Variants in DCAF6 observed in about 807,000 individuals in gnomAD.
The protein encoded by DCAF6 is DDB1 and CUL4 associated factor 6.
Under a neutral mutation model 125.1 loss-of-function variants are expected in DCAF6, and 54 were observed. The ratio of observed to expected loss-of-function variants is 0.43; its 90% CI spans 0.35 to 0.54. The LOEUF (loss-of-function observed/expected upper bound fraction) is 0.54. DCAF6 is among the 20% of genes least tolerant of loss of function. The pLI is 0.01. For synonymous variants in DCAF6, 371 were observed against 390.4 expected, an observed-to-expected ratio of 0.95 and a Z score of 0.58; for missense variants, 934 against 1,161.7, an observed-to-expected ratio of 0.80 and a Z score of 2.85.
rs10047060 is a variant in DCAF6, at chr1:168,043,232, T to C, written c.1843+92T>C. 4.7e-3 allele frequency: 4,542 copies of C among 974,972 alleles called. 128 individuals are homozygous for C. The African/African-American group carries it at 0.067, about 14-fold the overall frequency. The allele number at this position is 974,972 out of a possible 1,614,324, so 60.4% of individuals were successfully genotyped here. The stretch of plus-strand genomic sequence containing the variant: ...CCCTTCGATGCTGTATTTTGTTTCT[T>C]GTTTTTAATAAATTACTTTTGCTTC... On this transcript the variant is annotated intron_variant, in intron 14 of 21. Coordinates refer to ENST00000367840, the MANE Select transcript of DCAF6 (RefSeq NM_001198956.2).
At chr1:167,946,658 A>G (rs1043142012) in intron 1 of DCAF6, among the ~76,000 whole-genome samples, 1 of 152,130 alleles carries the variant, frequency 6.6e-6, no homozygotes, top group African/African-American at 2.4e-5. Context: ...TTCTGTTGAT[A>G]TGATGTATCA....
chr1:167,944,124 G>T (rs1672698484), intron 1 of DCAF6, among the ~76,000 whole-genome samples: 1 of 152,154 alleles, frequency 6.6e-6, no homozygotes, highest in Non-Finnish European at 1.5e-5. Flanking sequence ...TCACAGGGGT[G>T]AGCCACCACG....
chr1:167,950,467 C>A (rs1180940224), intron 1 of DCAF6, among the ~76,000 whole-genome samples: 8 of 152,112 alleles, frequency 5.3e-5, no homozygotes, highest in Admixed American at 5.2e-4. Context: ...ATCTCCCTCC[C>A]CAAAATAAAA....
chr1:167,876,569 T>C, the DCAF6 span, among the ~76,000 whole-genome samples: 2 of 152,198 alleles, frequency 1.3e-5, no homozygotes, highest in African/African-American at 2.4e-5. Flanking sequence ...CCCCACTTGA[T>C]TGTGAGTTTT....
chr1:167,905,003 A>C, the DCAF6 span: 3 of 1,614,200 alleles, frequency 1.9e-6, no homozygotes, highest in Admixed American at 5.0e-5. Flanking sequence ...CTGAAATATC[A>C]ACAAACATCA....
At chr1:168,049,424 TG>T (rs1383454276) in intron 16 of DCAF6, among the ~76,000 whole-genome samples, 18 of 94,884 alleles carry the variant, frequency 1.9e-4, no homozygotes, top group African/African-American at 9.5e-4. Context: ...TTGTTGTTGT[TG>T]TTGTTGTTTT....
At position 168,021,668 on chromosome 1, in the gene DCAF6, G is replaced by A. The variant is rs553959085; in HGVS notation, c.1550-1320G>A. ...AATGATCATGTTTTGTCAAAATCTA[G>A]TAAGAGAAAAATACATGAACAAACT... On this transcript the variant is annotated intron_variant, in intron 11 of 21. Transcript: ENST00000367840. 2.0e-5 allele frequency among the ~76,000 whole-genome samples: 3 copies of A among 152,106 alleles called. No individual in the cohort carries two copies. In the East Asian group the frequency reaches 5.8e-4, roughly 29 times the overall value.
chr1:167,904,329 G>A, the DCAF6 span, among the ~76,000 whole-genome samples: 15,593 of 151,918 alleles, frequency 0.1, 985 homozygotes, highest in African/African-American at 0.18. Flanking sequence ...CTTGTGATCC[G>A]CCCTCCTCGG....
chr1:168,027,373 T>C (rs1271384400), intron 12 of DCAF6, among the ~76,000 whole-genome samples: 3 of 152,148 alleles, frequency 2.0e-5, no homozygotes, highest in Non-Finnish European at 2.9e-5. Context: ...TCCCCAGATA[T>C]GCTATTATTT....
chr1:167,990,573 G>T (rs1029472670), intron 5 of DCAF6, among the ~76,000 whole-genome samples: 1 of 151,978 alleles, frequency 6.6e-6, no homozygotes, highest in African/African-American at 2.4e-5. Context: ...TCATGAGTAT[G>T]GGAATATTTA....
At chr1:168,018,661 TA>T (rs1207468133) in intron 11 of DCAF6, among the ~76,000 whole-genome samples, 2 of 152,250 alleles carry the variant, frequency 1.3e-5, no homozygotes, top group Non-Finnish European at 2.9e-5. Flanking sequence ...TTTCACTTGT[TA>T]GTTTTTTAAA....
intron 4 of DCAF6, among the ~76,000 whole-genome samples, chr1:167,981,400 G>A (rs1024198703): frequency 1.1e-4 from 17 of 151,902 alleles, no homozygotes; most frequent in Non-Finnish European, 2.2e-4. Context: ...TTTTAGATTC[G>A]AGGGGTACAT....
the DCAF6 span, among the ~76,000 whole-genome samples, chr1:167,872,848 G>A: frequency 0.049 from 7,410 of 151,130 alleles, 224 homozygotes; most frequent in Middle Eastern, 0.078. Context: ...AAGGCGGGCA[G>A]ATCACGAGAT....
upstream of DCAF6, chr1:167,935,648 G>T: frequency 8.9e-7 from 1 of 1,120,200 alleles, no homozygotes; most frequent in Non-Finnish European, 1.3e-6. Flanking sequence ...GCCTCTAGAG[G>T]CAGTTGTCAG....
chr1:168,075,131 A>G (rs946909634), intron 21 of DCAF6, among the ~76,000 whole-genome samples: 1 of 152,232 alleles, frequency 6.6e-6, no homozygotes, highest in African/African-American at 2.4e-5. Flanking sequence ...GCAGTAGAAC[A>G]TAATATATCA....
rs760705596 is a variant in DCAF6, at chr1:168,044,988, A to C, written c.2019A>C (p.Pro673=). 6.2e-7 allele frequency: 1 copy of C among 1,614,154 alleles called. No individual in the cohort carries two copies. Among genetic ancestry groups the C allele is most frequent in the Admixed American group, 1.7e-5 (1 of 60,022 alleles). The stretch of plus-strand genomic sequence containing the variant: ...ATCTTGATCGCTCTTGTGGGGTTCC[A>C]GAAGAATCTGCTTCATCTGAAAAAG... ...DLNLDRSCGV[P]EESASSEKAK... The change falls in exon 16 of 22, where the codon CCA becomes CCC. Residue 673 remains proline, a synonymous_variant. Coordinates refer to ENST00000367840, the MANE Select transcript of DCAF6 (RefSeq NM_001198956.2).
chr1:167,939,152 G>A (rs954998775), intron 1 of DCAF6, among the ~76,000 whole-genome samples: 2 of 152,128 alleles, frequency 1.3e-5, no homozygotes, highest in African/African-American at 4.8e-5. Flanking sequence ...CCTTTACACT[G>A]TTATTCAGCT....
chr1:168,033,760 T>C (rs1687448001), intron 12 of DCAF6, among the ~76,000 whole-genome samples: 1 of 152,204 alleles, frequency 6.6e-6, no homozygotes, highest in African/African-American at 2.4e-5. Flanking sequence ...TTCAAATAAA[T>C]GGTAATTTGC....
intron 1 of DCAF6, among the ~76,000 whole-genome samples, chr1:167,943,831 G>T (rs1448972822): frequency 1.3e-5 from 2 of 151,856 alleles, no homozygotes; most frequent in African/African-American, 2.4e-5. Flanking sequence ...TGCTGTATAT[G>T]TCATGATTTC....
Sources: allele counts gnomAD v4.1 joint callset (sites outside exome capture counted in the v4.1 genomes callset), GRCh38; gene constraint gnomAD v4.1.1; transcripts MANE v1.5; gene names NCBI Gene and HGNC (gene_info 2026-07-23, HGNC 2026-07-21).